SMCHD1: variants seen among roughly 807,000 people sequenced by gnomAD.
SMCHD1 encodes structural maintenance of chromosomes flexible hinge domain-containing protein 1.
Under a neutral mutation model 254.7 loss-of-function variants are expected in SMCHD1, and 78 were observed. The observed-to-expected ratio is 0.31, with a 90% confidence interval of 0.26 to 0.37. The LOEUF (loss-of-function observed/expected upper bound fraction) is 0.37. SMCHD1 is among the 10% of genes least tolerant of loss of function. The pLI is 1.00. For synonymous variants in SMCHD1, 766 were observed against 794.9 expected, an observed-to-expected ratio of 0.96 and a Z score of 0.61; for missense variants, 1,840 against 2,408.1, an observed-to-expected ratio of 0.76 and a Z score of 4.94.
At chr18:2,664,633 G>T (rs2073385671) in intron 1 of SMCHD1, among the ~76,000 whole-genome samples, 2 of 152,182 alleles carry the variant, frequency 1.3e-5, no homozygotes, top group Non-Finnish European at 2.9e-5. Context: ...TTTGTAGGTA[G>T]TACTGATACT....
intron 29 of SMCHD1, 120 bp from the exon 30 acceptor site, chr18:2,747,402 A>G (rs1221539760): frequency 4.7e-6 from 4 of 850,202 alleles, no homozygotes; most frequent in Non-Finnish European, 3.4e-6. Flanking sequence ...TCATTGACCA[A>G]AGAAGCCATT....
In SMCHD1 at chr18:2,802,987, CTT is replaced by C. The variant is rs1410126616; in HGVS notation, c.*438_*439del. On this transcript the variant is annotated 3_prime_UTR_variant, in exon 48 of 48. Coordinates refer to ENST00000320876, the MANE Select transcript of SMCHD1 (RefSeq NM_015295.3). The stretch of plus-strand genomic sequence containing the variant: ...AATTTATTTAACAAAGATGTTTTGT[CTT>C]TTGTGTAAGGGAGGTTCTAGAGGCT... The C allele has an allele frequency of 2.0e-5, 3 of 152,602 alleles. No homozygotes were observed. The highest frequency in any genetic ancestry group is 2.0e-4 in the Admixed American group (3 of 15,264). 9.5% of individuals were successfully genotyped at this position (152,602 alleles called of 1,614,324 possible).
At position 2,802,527 on chromosome 18, in the gene SMCHD1, G is replaced by A; in HGVS notation, c.5994-1G>A. 2 of 1,552,370 alleles carry A rather than the reference G, an allele frequency of 1.3e-6. No individual in the cohort carries two copies. The highest frequency in any genetic ancestry group is 1.2e-5 in the South Asian group (1 of 83,638). ...CTTTTTTTTCTTTCCCCTTTGACCA[G>A]GATTATAACCAAAACAGATGTATGA... is the stretch of plus-strand genomic sequence containing the variant. On this transcript the variant is annotated splice_acceptor_variant, in intron 47 of 47. Coordinates refer to ENST00000320876, the MANE Select transcript of SMCHD1 (RefSeq NM_015295.3). LOFTEE classifies it high-confidence loss of function.
chr18:2,679,192 TG>T (rs2073861381), intron 5 of SMCHD1, among the ~76,000 whole-genome samples: 1 of 147,382 alleles, frequency 6.8e-6, no homozygotes, highest in East Asian at 2.2e-4. Flanking sequence ...AAAGAACTCT[TG>T]GTTGGGCCGG....
intron 45 of SMCHD1, among the ~76,000 whole-genome samples, chr18:2,790,137 G>A (rs1456959821): frequency 2.6e-5 from 4 of 152,276 alleles, no homozygotes; most frequent in African/African-American, 4.8e-5. Context: ...AGCCGACATC[G>A]CGCCACTGCA....
chr18:2,737,835 A>C (rs776416205), intron 25 of SMCHD1, among the ~76,000 whole-genome samples: 7 of 152,260 alleles, frequency 4.6e-5, no homozygotes, highest in Non-Finnish European at 7.3e-5. Context: ...AAAAGTAAGT[A>C]CAGAGTAGAG....
chr18:2,677,080 A>G (rs2073768786), intron 5 of SMCHD1, among the ~76,000 whole-genome samples: 1 of 152,128 alleles, frequency 6.6e-6, no homozygotes, highest in Admixed American at 6.6e-5. Context: ...TTCTTGTAGA[A>G]TGGTCCACAA....
chr18:2,729,327 G>A lies in SMCHD1; in HGVS notation c.2966G>A (p.Gly989Glu). 6.4e-7 allele frequency: 1 copy of A among 1,561,424 alleles called. No individual in the cohort carries two copies. The highest frequency in any genetic ancestry group is 8.7e-7 in the Non-Finnish European group (1 of 1,152,982). ...PVYVVDCSSS[G>E]TSILTGSAIQ... ...TATGTTGTAGATTGCAGTAGTTCTG[G>A]AACCAGTATTTTAACAGGATCTGCA... The change falls in exon 24 of 48, where the codon GGA becomes GAA. Residue 989 changes from glycine (G) to glutamate (E), a missense_variant. Physicochemically the swap from Gly to Glu is moderately conservative, Grantham distance 98 (BLOSUM62 -2). Transcript: ENST00000320876.
intron 45 of SMCHD1, among the ~76,000 whole-genome samples, chr18:2,793,726 CAATA>C (rs1368023912): frequency 1.3e-5 from 2 of 150,692 alleles, no homozygotes; most frequent in East Asian, 3.9e-4. Context: ...ATAAAGTTCT[CAATA>C]AAGCGTAAGG....
At chr18:2,671,920 T>C (rs1352596065) in intron 3 of SMCHD1, among the ~76,000 whole-genome samples, 1 of 152,068 alleles carries the variant, frequency 6.6e-6, no homozygotes, top group African/African-American at 2.4e-5. Flanking sequence ...TTTTATACTT[T>C]CAGTAAACTG....
chr18:2,744,706 T>C (rs1470756526), intron 29 of SMCHD1, among the ~76,000 whole-genome samples: 5 of 152,202 alleles, frequency 3.3e-5, no homozygotes, highest in Non-Finnish European at 7.4e-5. Flanking sequence ...CATCATACAA[T>C]AGATCTTTTG....
intron 20 of SMCHD1, among the ~76,000 whole-genome samples, chr18:2,724,698 G>A (rs186484430): frequency 6.6e-6 from 1 of 151,790 alleles, no homozygotes; most frequent in Admixed American, 6.6e-5. Context: ...TTAACCCATT[G>A]GTATCACTTA....
intron 17 of SMCHD1, among the ~76,000 whole-genome samples, chr18:2,708,900 A>ATT (rs2074592341): frequency 2.7e-5 from 2 of 73,960 alleles, no homozygotes; most frequent in East Asian, 9.5e-4. Context: ...ATATATATAT[A>ATT]TATATATAAC....
intron 25 of SMCHD1, among the ~76,000 whole-genome samples, chr18:2,738,187 T>A (rs930365985): frequency 1.3e-5 from 2 of 152,068 alleles, no homozygotes; most frequent in African/African-American, 4.8e-5. Flanking sequence ...TTTATCTCAC[T>A]AAAAAAATAG....
At chr18:2,777,973 C>A in intron 43 of SMCHD1, 58 bp downstream of exon 43, 1 of 1,121,830 alleles carries the variant, frequency 8.9e-7, no homozygotes. Context: ...TGACACAAAT[C>A]TATAAATTAC....
chr18:2,655,732 C>CCGG lies in SMCHD1; in HGVS notation c.-335_-333dup, dbSNP rs910776785. 9.7e-5 allele frequency: 18 copies of CCGG among 186,466 alleles called. No homozygotes were observed. In the South Asian group the frequency reaches 1.6e-3, roughly 16 times the overall value. 11.6% of individuals were successfully genotyped at this position (186,466 alleles called of 1,614,324 possible). ...CCGCTCTTCCTCCTGCGCCACAGTC[C>CCGG]CGGCGGCGGCGCTGGTCGCGGGTCG... On this transcript the variant is annotated 5_prime_UTR_variant, in exon 1 of 48. Coordinates refer to ENST00000320876, the MANE Select transcript of SMCHD1 (RefSeq NM_015295.3).
intron 25 of SMCHD1, among the ~76,000 whole-genome samples, chr18:2,734,312 C>A (rs893603176): frequency 1.3e-5 from 2 of 152,142 alleles, no homozygotes; most frequent in African/African-American, 4.8e-5. Context: ...GCTTCCATTT[C>A]CTCCTCTCTT....
rs1054193966 is a variant in SMCHD1, at chr18:2,751,444, C to T, written c.4281+51C>T. On this transcript the variant is annotated intron_variant, in intron 33 of 47. Coordinates refer to ENST00000320876, the MANE Select transcript of SMCHD1 (RefSeq NM_015295.3). ...AGTTAAAAATAGTTCTTACATTTAA[C>T]TTAAAACTAAGTCTCCTTTAATGTA... The T allele has an allele frequency of 2.1e-5, 21 of 1,005,124 alleles. No individual in the cohort carries two copies. In the East Asian group the frequency reaches 3.8e-4, roughly 18 times the overall value. The allele number at this position is 1,005,124 out of a possible 1,614,324, so 62.3% of individuals were successfully genotyped here. A position where few individuals can be genotyped will look rare whatever the true frequency, so the allele number is the denominator to read the frequency against.
chr18:2,760,479 A>G (rs2075766055), intron 34 of SMCHD1, 173 bp from the exon 35 acceptor site: 1 of 526,470 alleles, frequency 1.9e-6, no homozygotes, highest in Non-Finnish European at 3.5e-6. Context: ...GGTAAGAGGA[A>G]CCTGGGAGTA....
Sources: allele counts gnomAD v4.1 joint callset (sites outside exome capture counted in the v4.1 genomes callset), GRCh38; gene constraint gnomAD v4.1.1; transcripts MANE v1.5; gene names NCBI Gene and HGNC (gene_info 2026-07-23, HGNC 2026-07-21).